Variants in IQCM observed in about 807,000 individuals in gnomAD.
IQCM encodes IQ domain-containing protein M.
IQCM carries 45 observed loss-of-function variants against 57.6 expected under a neutral mutation model. The observed-to-expected ratio is 0.78, with a 90% CI of 0.62 to 1.00. The LOEUF (loss-of-function observed/expected upper bound fraction) is 1.00. Among genes scored for constraint, IQCM ranks in the 50% least tolerant of loss-of-function variants. The pLI, the probability that IQCM is intolerant of heterozygous loss-of-function variation, is 0.00. For synonymous variants in IQCM, 148 were observed against 158.9 expected (o/e 0.93, Z 0.51); for missense variants, 468 against 511.6 (o/e 0.91, Z 0.82).
At chr4:149,776,636 G>C (rs959331690) in intron 2 of IQCM, among the ~76,000 whole-genome samples, 1 of 151,958 alleles carries the variant, frequency 6.6e-6, no homozygotes, top group African/African-American at 2.4e-5. Context: ...GGATGAATAA[G>C]GGCAGATTAA....
At chr4:149,411,466 A>T (rs1428654943) in intron 13 of IQCM, among the ~76,000 whole-genome samples, 2 of 152,156 alleles carry the variant, frequency 1.3e-5, no homozygotes, top group African/African-American at 4.8e-5. Flanking sequence ...TTATGTATTA[A>T]CTAATTTGTA....
At chr4:149,788,779 T>C (rs1772306821) in intron 2 of IQCM, among the ~76,000 whole-genome samples, 1 of 152,192 alleles carries the variant, frequency 6.6e-6, no homozygotes, top group South Asian at 2.1e-4. Context: ...ATAAATAAAA[T>C]GTGGTATATA....
intron 13 of IQCM, among the ~76,000 whole-genome samples, chr4:149,383,675 C>T (rs1426649682): frequency 5.3e-5 from 8 of 152,064 alleles, no homozygotes; most frequent in Non-Finnish European, 1.0e-4. Context: ...GAGCATAAGC[C>T]GTGCATGGTG....
At chr4:149,761,183 A>G (rs911934443) in intron 2 of IQCM, among the ~76,000 whole-genome samples, 5 of 152,272 alleles carry the variant, frequency 3.3e-5, no homozygotes, top group African/African-American at 9.6e-5. Flanking sequence ...TTTCCTTCAC[A>G]TATAACCTTA....
intron 13 of IQCM, among the ~76,000 whole-genome samples, chr4:149,353,894 C>T (rs1225624618): frequency 1.3e-5 from 2 of 151,964 alleles, no homozygotes; most frequent in Non-Finnish European, 1.5e-5. Flanking sequence ...ACAATTGTAC[C>T]GTATTTGGGA....
chr4:149,607,537 G>GA (rs1300893290), intron 8 of IQCM, among the ~76,000 whole-genome samples: 1 of 151,796 alleles, frequency 6.6e-6, no homozygotes, highest in Non-Finnish European at 1.5e-5. Flanking sequence ...ATTTTTAGTA[G>GA]AAAAACTAAA....
chr4:149,698,408 G>T (rs1438596401), intron 5 of IQCM, among the ~76,000 whole-genome samples: 1 of 152,048 alleles, frequency 6.6e-6, no homozygotes, highest in Non-Finnish European at 1.5e-5. Flanking sequence ...AATGTTTGCT[G>T]AATAAATGAA....
intron 9 of IQCM, among the ~76,000 whole-genome samples, chr4:149,577,222 C>T (rs998160907): frequency 6.6e-6 from 1 of 151,930 alleles, no homozygotes; most frequent in African/African-American, 2.4e-5. Context: ...TGTGCAGAAG[C>T]TCTTTAGTTT....
At chr4:149,730,123 T>G (rs1272567045) in intron 5 of IQCM, among the ~76,000 whole-genome samples, 1 of 152,186 alleles carries the variant, frequency 6.6e-6, no homozygotes, top group Non-Finnish European at 1.5e-5. Flanking sequence ...TCTCCAACCT[T>G]CTAATTTGCT....
chr4:149,651,358 T>C (rs1027167844), intron 7 of IQCM, among the ~76,000 whole-genome samples: 1 of 152,136 alleles, frequency 6.6e-6, no homozygotes, highest in African/African-American at 2.4e-5. Flanking sequence ...GACCTCCAGT[T>C]GAAGCAGGGG....
chr4:149,519,490 C>T (rs751986658), intron 12 of IQCM, among the ~76,000 whole-genome samples: 8 of 151,678 alleles, frequency 5.3e-5, no homozygotes, highest in Non-Finnish European at 1.0e-4. Context: ...GGCGTGGTGG[C>T]GGGCGCCTGT....
intron 10 of IQCM, among the ~76,000 whole-genome samples, chr4:149,557,816 A>G (rs1749736732): frequency 6.6e-6 from 1 of 152,162 alleles, no homozygotes; most frequent in African/African-American, 2.4e-5. Flanking sequence ...AATATGGATT[A>G]TCTTCATCTT....
intron 12 of IQCM, among the ~76,000 whole-genome samples, chr4:149,470,285 C>T (rs1340251172): frequency 2.7e-5 from 4 of 149,792 alleles, no homozygotes; most frequent in African/African-American, 9.8e-5. Context: ...GAAGATCTAC[C>T]AAGCAAATGG....
intron 5 of IQCM, among the ~76,000 whole-genome samples, chr4:149,721,783 A>T (rs1765470422): frequency 6.6e-6 from 1 of 152,086 alleles, no homozygotes; most frequent in Non-Finnish European, 1.5e-5. Context: ...TTATAAAATG[A>T]CTTCTTTTCC....
intron 13 of IQCM, among the ~76,000 whole-genome samples, chr4:149,394,776 G>A (rs928249378): frequency 7.9e-5 from 12 of 152,114 alleles, no homozygotes; most frequent in Non-Finnish European, 1.3e-4. Flanking sequence ...ACACTCTGAA[G>A]AGTTAAAAGA....
chr4:149,593,160 A>G (rs1345605552), intron 8 of IQCM, among the ~76,000 whole-genome samples: 6 of 152,038 alleles, frequency 3.9e-5, no homozygotes, highest in East Asian at 3.9e-4. Flanking sequence ...TTCTCCTTGA[A>G]GAGGTCCTTC....
At chr4:149,488,593 C>T (rs373854159) in intron 12 of IQCM, among the ~76,000 whole-genome samples, 1 of 152,174 alleles carries the variant, frequency 6.6e-6, no homozygotes, top group African/African-American at 2.4e-5. Context: ...TTGTATACAT[C>T]GATTACAGAC....
intron 9 of IQCM, among the ~76,000 whole-genome samples, chr4:149,586,278 A>T (rs932192843): frequency 2.0e-5 from 3 of 151,622 alleles, no homozygotes; most frequent in Admixed American, 6.6e-5. Context: ...AAACAAATTC[A>T]ATTTCTTTAG....
At chr4:149,811,303 G>A (rs10024629) in intron 2 of IQCM, among the ~76,000 whole-genome samples, 57,123 of 151,784 alleles carry the variant, frequency 0.38, 13,994 homozygotes, top group African/African-American at 0.67. Context: ...AGTAATTCTG[G>A]GCTTTTCTCC....
Sources: gnomAD v4.1 joint callset for allele counts (sites outside exome capture counted in the v4.1 genomes callset) on GRCh38, gnomAD v4.1.1 for gene constraint, MANE v1.5 for transcripts, NCBI Gene and HGNC (gene_info 2026-07-23, HGNC 2026-07-21) for gene names.